DNM2: variants seen among roughly 807,000 people sequenced by gnomAD.
The protein encoded by DNM2 is dynamin-2.
A neutral mutation model predicts 99.0 loss-of-function variants in DNM2; 15 were observed. That is an observed-to-expected ratio of 0.15 (90% CI 0.10 to 0.23). The LOEUF (loss-of-function observed/expected upper bound fraction) is 0.23, where lower values mean the gene tolerates loss of function less well. Among genes scored for constraint, DNM2 ranks in the 10% least tolerant of loss-of-function variants. The pLI, the probability that DNM2 is intolerant of heterozygous loss-of-function variation, is 1.00. For synonymous variants in DNM2, 525 were observed against 481.2 expected (o/e 1.09, Z -1.19); for missense variants, 742 against 1,189.4 (o/e 0.62, Z 5.53).
chr19:10,804,705 T>C (rs567617249), intron 12 of DNM2, among the ~76,000 whole-genome samples: 1 of 152,036 alleles, frequency 6.6e-6, no homozygotes, highest in African/African-American at 2.4e-5. Flanking sequence ...AATAAGTAAA[T>C]AAATAGCCCA....
chr19:10,795,497 G>A lies in DNM2; in HGVS notation c.1196+58G>A. ...TTCCTCTCCGTGGTGCGACCCCCCAGCTAATTGGGTCACCCACACCTCTGA... is the reference window on the plus strand; with the variant it reads ...TTCCTCTCCGTGGTGCGACCCCCCAACTAATTGGGTCACCCACACCTCTGA... On this transcript the variant is annotated intron_variant, in intron 9 of 20. Coordinates refer to ENST00000389253, the MANE Select transcript of DNM2 (RefSeq NM_001005361.3). The surrounding 1 kb of genome is among the most constrained non-coding windows in gnomAD (Gnocchi z 4.2). 6.3e-7 allele frequency: 1 copy of A among 1,596,632 alleles called. No homozygotes were observed.
intron 8 of DNM2, among the ~76,000 whole-genome samples, chr19:10,794,267 A>G (rs1396822323): frequency 6.6e-6 from 1 of 152,018 alleles, no homozygotes; most frequent in Non-Finnish European, 1.5e-5. Context: ...ATGTCTGTCT[A>G]CAAGTGTTTC....
chr19:10,823,621 C>G, intron 16 of DNM2, 167 bp from the exon 17 acceptor site: 1 of 645,320 alleles, frequency 1.5e-6, no homozygotes, highest in African/African-American at 1.8e-5. Flanking sequence ...CAGCGCTCTT[C>G]TGTGTAGGCG....
At chr19:10,762,918 T>G (rs2070681328) in intron 2 of DNM2, among the ~76,000 whole-genome samples, 1 of 152,104 alleles carries the variant, frequency 6.6e-6, no homozygotes, top group Admixed American at 6.5e-5. Flanking sequence ...GTGGCAGCTG[T>G]GGTGGAGGTG....
chr19:10,792,796 C>A (rs375906211), intron 7 of DNM2, among the ~76,000 whole-genome samples: 3 of 151,934 alleles, frequency 2.0e-5, no homozygotes, highest in Admixed American at 6.6e-5. Flanking sequence ...TTAGTAGAGA[C>A]GGGGTTTCGC....
At chr19:10,769,752 TG>T (rs1371416478) in intron 2 of DNM2, among the ~76,000 whole-genome samples, 2 of 130,834 alleles carry the variant, frequency 1.5e-5, no homozygotes, top group Admixed American at 7.8e-5. Context: ...ATAGCAGGGC[TG>T]GGGGTGGGGG....
At chr19:10,823,580 A>G in intron 16 of DNM2, 1 of 576,546 alleles carries the variant, frequency 1.7e-6, no homozygotes, top group South Asian at 2.0e-5. Context: ...AACAGAAACA[A>G]AGAAACTCAG....
chr19:10,825,299 C>A, intron 18 of DNM2, 78 bp downstream of exon 18: 30 of 1,585,816 alleles, frequency 1.9e-5, no homozygotes, highest in Non-Finnish European at 2.2e-5. Flanking sequence ...CTTTGGGAGG[C>A]CAAGGCGGGC....
At chr19:10,788,109 T>C (rs1490152637) in intron 7 of DNM2, among the ~76,000 whole-genome samples, 1 of 151,844 alleles carries the variant, frequency 6.6e-6, no homozygotes, top group East Asian at 1.9e-4. Context: ...GGCAGGCGCC[T>C]GTAATCCCAG....
chr19:10,815,191 C>T (rs940073979), intron 15 of DNM2, among the ~76,000 whole-genome samples: 3 of 152,200 alleles, frequency 2.0e-5, no homozygotes, highest in Non-Finnish European at 4.4e-5. Context: ...TAACACAGGG[C>T]TCCCTTCATA....
Position 10,772,363 on chromosome 19 carries a change from G to A in DNM2, c.236-116G>A. 7.2e-7 allele frequency: 1 copy of A among 1,398,054 alleles called. No individual in the cohort carries two copies. The highest frequency in any genetic ancestry group is 1.0e-6 in the Non-Finnish European group (1 of 999,738). 86.6% of individuals were successfully genotyped at this position (1,398,054 alleles called of 1,614,324 possible). ...CAAAGTGCTGGGATTACAGGCGTGA[G>A]CTACTGTGCCCAGCCTGGGTCATTA... On this transcript the variant is annotated intron_variant, in intron 2 of 20. Transcript: ENST00000389253. The surrounding 1 kb of genome is among the most constrained non-coding windows in gnomAD (Gnocchi z 4.9).
chr19:10,724,729 C>T (rs714307), intron 1 of DNM2, among the ~76,000 whole-genome samples: 104,826 of 152,086 alleles, frequency 0.69, 36,621 homozygotes, highest in East Asian at 0.84. Context: ...GGTGGCGCTA[C>T]TGCTGTCCCT....
rs1166707890 is a variant in DNM2, at chr19:10,818,141, G to A, written c.1672-1839G>A. On this transcript the variant is annotated intron_variant, in intron 15 of 20. Coordinates refer to ENST00000389253, the MANE Select transcript of DNM2 (RefSeq NM_001005361.3). This position sits in a 1 kb window ranked among gnomAD's most constrained non-coding sequence, Gnocchi z 4.3. ...CCCAGCCTTGCCTGGGATGACGGGT[G>A]CAGGCTTTCTTCATCACCTTCCCTC... Among the ~76,000 whole-genome samples, 1 of 152,124 alleles carries A rather than the reference G, an allele frequency of 6.6e-6. No individual in the cohort carries two copies. The highest frequency in any genetic ancestry group is 1.9e-4 in the East Asian group (1 of 5,162).
chr19:10,724,767 T>G (rs1276616316), intron 1 of DNM2, among the ~76,000 whole-genome samples: 3 of 152,198 alleles, frequency 2.0e-5, no homozygotes, highest in Non-Finnish European at 4.4e-5. Context: ...GAGGGCTCTC[T>G]CCTTTGATTT....
chr19:10,724,302 C>T (rs182738031), intron 1 of DNM2, among the ~76,000 whole-genome samples: 2 of 152,222 alleles, frequency 1.3e-5, no homozygotes, highest in East Asian at 3.9e-4. Context: ...CTCAGCCTCC[C>T]GAGTAGCTGG....
chr19:10,811,880 G>T lies in DNM2; in HGVS notation c.1558-384G>T. Reference sequence around the variant, plus strand: ...CTCACACCTTTGACCCTAGCCCTCTGTGTGGATGCTACCCTTGGAACCTTA... The same window carrying T: ...CTCACACCTTTGACCCTAGCCCTCTTTGTGGATGCTACCCTTGGAACCTTA... On this transcript the variant is annotated intron_variant, in intron 14 of 20. Transcript: ENST00000389253. This position sits in a 1 kb window ranked among gnomAD's most constrained non-coding sequence, Gnocchi z 5.4. 2 of 488,806 alleles carry T rather than the reference G, an allele frequency of 4.1e-6. No homozygotes were observed. The highest frequency in any genetic ancestry group is 1.5e-5 in the South Asian group (1 of 67,658). The allele number at this position is 488,806 out of a possible 1,614,324, so 30.3% of individuals were successfully genotyped here.
chr19:10,734,882 T>A (rs1026388932), intron 1 of DNM2, among the ~76,000 whole-genome samples: 1 of 150,726 alleles, frequency 6.6e-6, no homozygotes, highest in African/African-American at 2.4e-5. Flanking sequence ...GGGAAGCAAC[T>A]CAGCCCTTCC....
intron 1 of DNM2, among the ~76,000 whole-genome samples, chr19:10,724,586 A>G (rs898652502): frequency 6.6e-6 from 1 of 152,162 alleles, no homozygotes; most frequent in Non-Finnish European, 1.5e-5. Context: ...AAAGGTCCTG[A>G]TGTGGGAGGA....
At chr19:10,742,232 C>T (rs2069780517) in intron 1 of DNM2, among the ~76,000 whole-genome samples, 1 of 152,080 alleles carries the variant, frequency 6.6e-6, no homozygotes. Flanking sequence ...CAAGGGAGTG[C>T]CATGTTGCAT....
Sources: gnomAD v4.1 joint callset for allele counts (sites outside exome capture counted in the v4.1 genomes callset) on GRCh38, gnomAD v4.1.1 for gene constraint, Gnocchi (gnomAD v3.1) non-coding constraint, MANE v1.5 for transcripts, NCBI Gene and HGNC (gene_info 2026-07-23, HGNC 2026-07-21) for gene names.